The following PTPRK variants were observed in gnomAD, a reference collection of about 807,000 sequenced individuals.
The protein encoded by PTPRK is protein tyrosine phosphatase receptor type K, also known as receptor-type tyrosine-protein phosphatase kappa.
In PTPRK, 75 loss-of-function variants were observed where a neutral mutation model predicts 178.0. That is an observed-to-expected ratio of 0.42 (90% CI 0.35 to 0.51). The LOEUF (loss-of-function observed/expected upper bound fraction) is 0.51, where lower values mean the gene tolerates loss of function less well. PTPRK is among the 20% of genes least tolerant of loss of function. The pLI is 0.02. For missense variants in PTPRK, 1,441 were observed against 1,797.8 expected, an observed-to-expected ratio of 0.80 and a Z score of 3.59; for synonymous variants, 637 against 620.6, an observed-to-expected ratio of 1.03 and a Z score of -0.39.
chr6:128,189,371 C>G (rs912984425), intron 6 of PTPRK, among the ~76,000 whole-genome samples: 7 of 151,136 alleles, frequency 4.6e-5, no homozygotes, highest in African/African-American at 1.7e-4. Flanking sequence ...TCCCAAATAG[C>G]CGGGACTACA....
intron 3 of PTPRK, among the ~76,000 whole-genome samples, chr6:128,282,674 A>G (rs1821856199): frequency 6.6e-6 from 1 of 152,192 alleles, no homozygotes; most frequent in South Asian, 2.1e-4. Context: ...CATAATAATA[A>G]TCCTTTATCA....
chr6:128,518,272 TTTAG>T (rs1479892951), intron 1 of PTPRK, among the ~76,000 whole-genome samples: 5 of 152,206 alleles, frequency 3.3e-5, no homozygotes, highest in African/African-American at 7.2e-5. Context: ...GCCAGGCATA[TTTAG>T]TTAAAGTACT....
intron 7 of PTPRK, among the ~76,000 whole-genome samples, chr6:128,130,819 G>A (rs1031865584): frequency 2.6e-5 from 4 of 151,390 alleles, no homozygotes; most frequent in Non-Finnish European, 4.4e-5. Flanking sequence ...ACACATTAAG[G>A]AATAAGGAAG....
chr6:128,218,044 CTCAGAG>C (rs1809666439), intron 6 of PTPRK, among the ~76,000 whole-genome samples: 1 of 152,152 alleles, frequency 6.6e-6, no homozygotes, highest in Admixed American at 6.6e-5. Flanking sequence ...TTGTTACCTT[CTCAGAG>C]TGGTAACCTT....
chr6:128,341,345 T>C (rs1421361289), intron 2 of PTPRK, among the ~76,000 whole-genome samples: 1 of 152,218 alleles, frequency 6.6e-6, no homozygotes, highest in African/African-American at 2.4e-5. Context: ...CAGATAATTC[T>C]GCATTCACAT....
At chr6:128,466,100 CT>C (rs2128415590) in intron 1 of PTPRK, among the ~76,000 whole-genome samples, 1 of 152,242 alleles carries the variant, frequency 6.6e-6, no homozygotes, top group East Asian at 1.9e-4. Context: ...GTTACTATGA[CT>C]TGTTACTCAG....
intron 11 of PTPRK, among the ~76,000 whole-genome samples, chr6:128,074,413 G>T (rs1247389764): frequency 2.0e-5 from 3 of 151,800 alleles, no homozygotes; most frequent in Non-Finnish European, 1.5e-5. Flanking sequence ...TAATAAATGG[G>T]ACGTTCTATG....
chr6:128,385,793 A>G (rs1462085783), intron 2 of PTPRK, among the ~76,000 whole-genome samples: 2 of 152,152 alleles, frequency 1.3e-5, no homozygotes, highest in East Asian at 3.9e-4. Context: ...GGTACATCTA[A>G]CTGTTATGTC....
At chr6:128,149,416 T>C (rs942093133) in intron 7 of PTPRK, among the ~76,000 whole-genome samples, 37 of 152,164 alleles carry the variant, frequency 2.4e-4, no homozygotes, top group Non-Finnish European at 2.6e-4. Context: ...AATGGTGTTT[T>C]AGATTTGTCT....
intron 2 of PTPRK, among the ~76,000 whole-genome samples, chr6:128,388,566 T>A (rs945802912): frequency 8.5e-5 from 13 of 152,168 alleles, no homozygotes; most frequent in African/African-American, 3.1e-4. Flanking sequence ...TTTGCTGCAG[T>A]CTCTAAAGAA....
At chr6:128,024,022 C>T (rs771369166) in intron 13 of PTPRK, among the ~76,000 whole-genome samples, 5 of 152,084 alleles carry the variant, frequency 3.3e-5, no homozygotes, top group Non-Finnish European at 5.9e-5. Context: ...TCAGATAATT[C>T]ACAAATTTTA....
intron 1 of PTPRK, among the ~76,000 whole-genome samples, chr6:128,473,487 C>T (rs2128419934): frequency 6.9e-6 from 1 of 144,668 alleles, no homozygotes; most frequent in African/African-American, 2.6e-5. Context: ...AAATATCCTG[C>T]TCTCTGTCAA....
chr6:128,335,281 G>A (rs1045833237), intron 2 of PTPRK, among the ~76,000 whole-genome samples: 1 of 152,150 alleles, frequency 6.6e-6, no homozygotes, highest in African/African-American at 2.4e-5. Context: ...ATTGTTGCAA[G>A]GATTACGGAA....
intron 5 of PTPRK, chr6:128,235,735 C>T (rs973687753): frequency 8.6e-6 from 3 of 350,112 alleles, no homozygotes; most frequent in Non-Finnish European, 1.8e-5. Flanking sequence ...GACATCCCAA[C>T]CATCAAAATC....
intron 7 of PTPRK, among the ~76,000 whole-genome samples, chr6:128,168,346 T>C (rs1799714297): frequency 6.6e-6 from 1 of 152,080 alleles, no homozygotes; most frequent in Admixed American, 6.6e-5. Flanking sequence ...ACAACCATTA[T>C]AAAAACAGCA....
chr6:128,191,850 C>T (rs985204387), intron 6 of PTPRK, among the ~76,000 whole-genome samples: 1 of 152,052 alleles, frequency 6.6e-6, no homozygotes, highest in African/African-American at 2.4e-5. Context: ...AACTATATCA[C>T]TTATATTTCC....
chr6:128,072,725 T>C lies in PTPRK; in HGVS notation c.1884-4933A>G, dbSNP rs1582858627. Among the ~76,000 whole-genome samples the C allele has an allele frequency of 2.0e-5, 3 of 152,174 alleles. No homozygotes were observed. The South Asian group carries it at 6.2e-4, about 32-fold the overall frequency. The stretch of plus-strand genomic sequence containing the variant: ...TACAGTCAAGAATTTCTGCCTTTCT[T>C]GTCTAGTTTTTCTACTTCTGCCATG... On this transcript the variant is annotated intron_variant, in intron 11 of 29. Transcript: ENST00000368226.
chr6:127,973,966 G>T, intron 27 of PTPRK, 139 bp from the exon 28 acceptor site: 2 of 753,014 alleles, frequency 2.7e-6, no homozygotes, highest in Admixed American at 3.4e-5. Flanking sequence ...ATATGTACAT[G>T]CTAGTAAAAA....
intron 3 of PTPRK, among the ~76,000 whole-genome samples, chr6:128,266,552 C>A (rs989808498): frequency 6.6e-6 from 1 of 152,082 alleles, no homozygotes; most frequent in African/African-American, 2.4e-5. Flanking sequence ...CTCTCCAGAC[C>A]ACAATTCCTT....
Sources: gnomAD v4.1 joint callset for allele counts (sites outside exome capture counted in the v4.1 genomes callset) on GRCh38, gnomAD v4.1.1 for gene constraint, MANE v1.5 for transcripts, NCBI Gene and HGNC (gene_info 2026-07-23, HGNC 2026-07-21) for gene names.